ATP2B1: variants seen among roughly 807,000 people sequenced by gnomAD.
The protein encoded by ATP2B1 is ATPase plasma membrane Ca2+ transporting 1, also known as plasma membrane calcium-transporting ATPase 1.
A neutral mutation model predicts 124.2 loss-of-function variants in ATP2B1; 14 were observed. The ratio of observed to expected loss-of-function variants is 0.11; its 90% confidence interval spans 0.07 to 0.18. ATP2B1 has a LOEUF of 0.18. ATP2B1 is among the 10% of genes least tolerant of loss of function. ATP2B1 has a pLI of 1.00. For synonymous variants in ATP2B1, 449 were observed against 492.4 expected (o/e 0.91, Z 1.17); for missense variants, 763 against 1,466.1 (o/e 0.52, Z 7.83).
intron 2 of ATP2B1, among the ~76,000 whole-genome samples, chr12:89,647,554 C>A (rs1884650692): frequency 6.6e-6 from 1 of 152,142 alleles, no homozygotes; most frequent in South Asian, 2.1e-4. Context: ...GTAGATTTAA[C>A]CGACAATCAC....
In ATP2B1 at chr12:89,603,824, C is replaced by T. The variant is rs1487838466; in HGVS notation, c.2736G>A (p.Leu912=). ...LATEPPTESL[L]LRKPYGRNKP... is the part of the protein sequence containing the mutation. ...TATTTCTACCATAAGGTTTCCGAAG[C>T]AAGAGAGACTCAGTGGGTGGTTCCG... Residue 912 remains leucine, a synonymous_variant, in exon 17 of 21, where the codon TTG becomes TTA. Coordinates refer to ENST00000428670, the MANE Select transcript of ATP2B1 (RefSeq NM_001366521.1). The surrounding 1 kb of genome is among the most constrained non-coding windows in gnomAD (Gnocchi z 4.3). 1.2e-6 allele frequency: 2 copies of T among 1,613,946 alleles called. No individual in the cohort carries two copies. Among genetic ancestry groups the T allele is most frequent in the Non-Finnish European group, 8.5e-7 (1 of 1,179,994 alleles).
At chr12:89,662,021 A>C (rs937616960) in intron 1 of ATP2B1, among the ~76,000 whole-genome samples, 2 of 152,214 alleles carry the variant, frequency 1.3e-5, no homozygotes, top group African/African-American at 4.8e-5. Context: ...AGTATACCAC[A>C]TAATTGAGCC....
intron 2 of ATP2B1, among the ~76,000 whole-genome samples, chr12:89,642,655 C>T (rs540161521): frequency 2.0e-5 from 3 of 152,010 alleles, no homozygotes; most frequent in Non-Finnish European, 2.9e-5. Context: ...CCCAGGCTGG[C>T]GTGCAGTGGC....
chr12:89,616,903 G>A lies in ATP2B1; in HGVS notation c.1966C>T (p.Pro656Ser). Residue 656 changes from proline (P) to serine (S), a missense_variant, in exon 12 of 21, where the codon CCA (proline) becomes TCA (serine). Pro to Ser is a moderately conservative substitution (Grantham distance 74). This residue lies in a region of ATP2B1 where 392 missense variants were observed against 776.6 expected (regional missense o/e 0.50). Transcript: ENST00000428670. ...RTICLAFRDF[P>S]AGEPEPEWDN... ...CACTCTGGTTCTGGTTCTCCTGCTG[G>A]AAAATCTCTGAATGCAAGACATATG... The A allele has an allele frequency of 6.2e-7, 1 of 1,614,046 alleles. No homozygotes were observed. The highest frequency in any genetic ancestry group is 8.5e-7 in the Non-Finnish European group (1 of 1,179,960).
intron 1 of ATP2B1, among the ~76,000 whole-genome samples, chr12:89,707,078 G>A (rs913605513): frequency 2.6e-5 from 4 of 152,114 alleles, no homozygotes; most frequent in African/African-American, 9.7e-5. Context: ...TAAAGAAAAA[G>A]AGAGGGGAGG....
chr12:89,696,692 A>G (rs1035388899), intron 1 of ATP2B1, among the ~76,000 whole-genome samples: 5 of 152,188 alleles, frequency 3.3e-5, no homozygotes, highest in Non-Finnish European at 7.4e-5. Context: ...TTACATTTCT[A>G]ACTGGTAAAA....
intron 3 of ATP2B1, among the ~76,000 whole-genome samples, chr12:89,639,273 G>T (rs1883149287): frequency 6.6e-6 from 1 of 152,132 alleles, no homozygotes; most frequent in Admixed American, 6.5e-5. Context: ...GGAGGCCGAG[G>T]CGGGCAGATA....
At position 89,635,257 on chromosome 12, in the gene ATP2B1, T is replaced by C; in HGVS notation, c.407-6A>G. 1 of 1,607,120 alleles carries C rather than the reference T, an allele frequency of 6.2e-7. No homozygotes were observed. The highest frequency in any genetic ancestry group is 8.5e-7 in the Non-Finnish European group (1 of 1,177,666). On this transcript the variant is annotated splice_region_variant and splice_polypyrimidine_tract_variant and intron_variant, in intron 3 of 20. Coordinates refer to ENST00000428670, the MANE Select transcript of ATP2B1 (RefSeq NM_001366521.1). ...AACAGAAACTTCTCCACAAACTATT[T>C]GGAAAGAAAGAAAATGCTTATCAAA...
intron 19 of ATP2B1, among the ~76,000 whole-genome samples, chr12:89,600,895 C>T (rs1431708520): frequency 1.1e-4 from 17 of 152,092 alleles, no homozygotes; most frequent in African/African-American, 1.4e-4. Flanking sequence ...GTGATCCACC[C>T]GCCTCGGCCT....
At position 89,603,322 on chromosome 12, in the gene ATP2B1, T is replaced by C. The variant is rs1876234372; in HGVS notation, c.2849-68A>G. ...ATTAGATTTCAAGGAGGTATACAAA[T>C]TACAACTTAGCTAGACCTTTTATTT... On this transcript the variant is annotated intron_variant, in intron 17 of 20. Transcript: ENST00000428670. The surrounding 1 kb of genome is among the most constrained non-coding windows in gnomAD (Gnocchi z 4.3). 2 of 1,301,676 alleles carry C rather than the reference T, an allele frequency of 1.5e-6. No homozygotes were observed. Among genetic ancestry groups the C allele is most frequent in the Admixed American group, 4.8e-5 (2 of 41,376 alleles). The allele number at this position is 1,301,676 out of a possible 1,614,324, so 80.6% of individuals were successfully genotyped here.
At chr12:89,594,744 T>C (rs2135869877) in intron 20 of ATP2B1, 1 of 152,050 alleles carries the variant, frequency 6.6e-6, no homozygotes. Context: ...ATCATGTACC[T>C]ACAAAACCAA....
chr12:89,642,612 C>T (rs2136243971), intron 2 of ATP2B1, among the ~76,000 whole-genome samples: 1 of 151,914 alleles, frequency 6.6e-6, no homozygotes, highest in East Asian at 1.9e-4. Flanking sequence ...TTTTATTTTG[C>T]TTGTTTTTTT....
At chr12:89,597,576 T>G (rs1874882088) in intron 20 of ATP2B1, among the ~76,000 whole-genome samples, 1 of 152,170 alleles carries the variant, frequency 6.6e-6, no homozygotes, top group Non-Finnish European at 1.5e-5. Context: ...TCTCCCTTAA[T>G]TCATCCTCTC....
intron 1 of ATP2B1, among the ~76,000 whole-genome samples, chr12:89,686,327 T>C (rs74882904): frequency 0.019 from 2,924 of 152,166 alleles, 94 homozygotes; most frequent in African/African-American, 0.067. Context: ...CTACAATCCA[T>C]TGTAATTTGA....
chr12:89,658,651 G>C (rs1886304879), intron 1 of ATP2B1, among the ~76,000 whole-genome samples: 1 of 150,454 alleles, frequency 6.6e-6, no homozygotes, highest in African/African-American at 2.5e-5. Flanking sequence ...GAGAGAGATA[G>C]AGATAGCATG....
chr12:89,627,395 CCAA>C (rs984856277), intron 7 of ATP2B1, among the ~76,000 whole-genome samples: 4 of 138,414 alleles, frequency 2.9e-5, no homozygotes, highest in African/African-American at 1.1e-4. Flanking sequence ...ATTCCAAAAT[CCAA>C]AAAAAAAAAA....
chr12:89,689,401 T>C (rs1890305464), intron 1 of ATP2B1, among the ~76,000 whole-genome samples: 1 of 152,140 alleles, frequency 6.6e-6, no homozygotes, highest in African/African-American at 2.4e-5. Context: ...AAATTTAAAC[T>C]TTCTTTGATT....
At chr12:89,608,364 T>C (rs1877366259) in intron 15 of ATP2B1, among the ~76,000 whole-genome samples, 1 of 151,920 alleles carries the variant, frequency 6.6e-6, no homozygotes, top group South Asian at 2.1e-4. Context: ...AAAGTAGAGA[T>C]GGGGTTTTGC....
chr12:89,629,582 A>G (rs1881519977), intron 6 of ATP2B1, among the ~76,000 whole-genome samples: 1 of 152,234 alleles, frequency 6.6e-6, no homozygotes, highest in Non-Finnish European at 1.5e-5. Flanking sequence ...GCAAAACTCA[A>G]AGAACAAAAC....
Sources: allele counts gnomAD v4.1 joint callset (sites outside exome capture counted in the v4.1 genomes callset), GRCh38; gene constraint gnomAD v4.1.1; regional missense constraint gnomAD v4.1.1; non-coding constraint Gnocchi (gnomAD v3.1); transcripts MANE v1.5; gene names NCBI Gene and HGNC (gene_info 2026-07-23, HGNC 2026-07-21).